ZNF248: variants seen among roughly 807,000 people sequenced by gnomAD.
ZNF248 encodes the protein KRAB protein domain.
ZNF248 carries 20 observed loss-of-function variants against 44.3 expected under a neutral mutation model. The ratio of observed to expected loss-of-function variants is 0.45; its 90% CI spans 0.32 to 0.66. The LOEUF (loss-of-function observed/expected upper bound fraction) is 0.66, where lower values mean the gene tolerates loss of function less well. Ranked by LOEUF, ZNF248 falls within the 30% of genes least tolerant of loss-of-function variation. The pLI, the probability that ZNF248 is intolerant of heterozygous loss-of-function variation, is 0.04. For synonymous variants in ZNF248, 224 were observed against 229.0 expected (o/e 0.98, Z 0.20); for missense variants, 654 against 677.0 (o/e 0.97, Z 0.38).
chr10:37,803,267 G>A (rs1589230662), intron 6 of ZNF248: 1 of 152,284 alleles, frequency 6.6e-6, no homozygotes, highest in East Asian at 1.9e-4. Flanking sequence ...CATCTCCACA[G>A]GCTGCAAAGA....
chr10:37,807,187 C>A (rs1352169429), intron 6 of ZNF248, among the ~76,000 whole-genome samples: 2 of 152,142 alleles, frequency 1.3e-5, no homozygotes, highest in Non-Finnish European at 2.9e-5. Flanking sequence ...ATTAAATGGT[C>A]TTGGTACCCG....
intron 6 of ZNF248, among the ~76,000 whole-genome samples, chr10:37,793,007 G>A (rs555352333): frequency 2.6e-5 from 4 of 152,222 alleles, no homozygotes; most frequent in South Asian, 4.2e-4. Context: ...AAAGGTGTAC[G>A]AGAAATCTAT....
chr10:37,760,204 C>A, the ZNF248 span, among the ~76,000 whole-genome samples: 63 of 152,234 alleles, frequency 4.1e-4, no homozygotes, highest in Middle Eastern at 0.01. Context: ...GGAATAACTT[C>A]AAGAAATAGA....
chr10:37,853,227 A>C (rs926528853), intron 3 of ZNF248, among the ~76,000 whole-genome samples: 39 of 152,168 alleles, frequency 2.6e-4, no homozygotes, highest in African/African-American at 9.4e-4. Context: ...AATATAGAGA[A>C]AACCAAACCA....
At chr10:37,807,830 A>T (rs571290893) in intron 6 of ZNF248, among the ~76,000 whole-genome samples, 2 of 152,224 alleles carry the variant, frequency 1.3e-5, no homozygotes, top group Non-Finnish European at 2.9e-5. Flanking sequence ...ATAAAATCAT[A>T]TAAGAACAAA....
At position 37,819,011 on chromosome 10, in the gene ZNF248, C is replaced by T. The variant is rs1589423254; in HGVS notation, c.330+14014G>A. The T allele has an allele frequency of 1.1e-5, 10 of 882,776 alleles. No individual in the cohort carries two copies. In the East Asian group the frequency reaches 2.4e-4, roughly 22 times the overall value. The allele number at this position is 882,776 out of a possible 1,614,324, so 54.7% of individuals were successfully genotyped here. A position where few individuals can be genotyped will look rare whatever the true frequency, so the allele number is the denominator to read the frequency against. On this transcript the variant is annotated intron_variant, in intron 6 of 6. Transcript: ENST00000615949. ...TGTTAAATTGCAATAAGTGCCAGCA[C>T]CTTGTGATGTCAGCTCCATGCCACC... is the stretch of plus-strand genomic sequence containing the variant.
chr10:37,797,174 T>C (rs574851674), intron 6 of ZNF248, among the ~76,000 whole-genome samples: 1 of 152,308 alleles, frequency 6.6e-6, no homozygotes, highest in South Asian at 2.1e-4. Flanking sequence ...TTGAAAGCAA[T>C]TGAAGTTAAA....
intron 6 of ZNF248, among the ~76,000 whole-genome samples, chr10:37,778,558 A>G (rs1008789667): frequency 6.6e-6 from 1 of 151,894 alleles, no homozygotes; most frequent in Non-Finnish European, 1.5e-5. Flanking sequence ...CCATTTGTCA[A>G]TTTTGTCTTT....
intron 3 of ZNF248, among the ~76,000 whole-genome samples, chr10:37,852,171 T>C (rs200940): frequency 0.74 from 112,963 of 151,714 alleles, 43,185 homozygotes; most frequent in African/African-American, 0.93. Flanking sequence ...CACTTGAACT[T>C]GGGAGGCAGA....
At chr10:37,767,168 G>A in the ZNF248 span, among the ~76,000 whole-genome samples, 9 of 152,128 alleles carry the variant, frequency 5.9e-5, no homozygotes, top group African/African-American at 1.7e-4. Context: ...TGAAAGTGAC[G>A]GGGAGAAAGG....
At chr10:37,827,653 A>G (rs2133792576), downstream of ZNF248, among the ~76,000 whole-genome samples, 1 of 152,292 alleles carries the variant, frequency 6.6e-6, no homozygotes, top group Middle Eastern at 3.4e-3. Flanking sequence ...ATGAAGATTC[A>G]GTGGAAAAAT....
the ZNF248 span, among the ~76,000 whole-genome samples, chr10:37,766,445 T>C: frequency 2.0e-5 from 3 of 152,134 alleles, no homozygotes; most frequent in Non-Finnish European, 2.9e-5. Flanking sequence ...GCATTTGCGG[T>C]TCACCAAGAT....
intron 6 of ZNF248, among the ~76,000 whole-genome samples, chr10:37,806,157 C>T (rs1036259194): frequency 2.0e-5 from 3 of 152,184 alleles, no homozygotes; most frequent in African/African-American, 7.2e-5. Flanking sequence ...GTGAATAATG[C>T]TGCCATAAAC....
At chr10:37,774,484 A>G (rs1038444646), downstream of ZNF248, among the ~76,000 whole-genome samples, 12 of 152,218 alleles carry the variant, frequency 7.9e-5, no homozygotes, top group African/African-American at 2.9e-4. Context: ...GTAATCTGTC[A>G]AGAAAAATAG....
intron 3 of ZNF248, among the ~76,000 whole-genome samples, chr10:37,838,926 T>C (rs1461434361): frequency 6.6e-6 from 1 of 152,134 alleles, no homozygotes; most frequent in Non-Finnish European, 1.5e-5. Flanking sequence ...AAAAGGTTAA[T>C]ACAGCAAGCC....
At chr10:37,849,869 A>G (rs996082921) in intron 3 of ZNF248, among the ~76,000 whole-genome samples, 4 of 152,132 alleles carry the variant, frequency 2.6e-5, no homozygotes, top group African/African-American at 9.7e-5. Flanking sequence ...TCAGGAGTTC[A>G]AGACCAGCCT....
chr10:37,824,673 A>ATTTTTTTTTTTTTTTTTTTTTTT (rs755411927), downstream of ZNF248, among the ~76,000 whole-genome samples: 29 of 79,724 alleles, frequency 3.6e-4, 5 homozygotes, highest in South Asian at 9.8e-4. Flanking sequence ...ATTATTTTAA[A>ATTTTTTTTTTTTTTTTTTTTTTT]TTTTTTTTTT....
At position 37,780,661 on chromosome 10, in the gene ZNF248, C is replaced by T. The variant is rs151041566; in HGVS notation, c.331-4086G>A. On this transcript the variant is annotated intron_variant, in intron 6 of 6. Coordinates refer to the ZNF248 transcript ENST00000615949. ...CAGCTCAGCCTGGAAGCAAAGCTCG[C>T]GCCCTTCCAGGGCCAAGGCGCGCAC... Among the ~76,000 whole-genome samples, 16 of 152,300 alleles carry T rather than the reference C, an allele frequency of 1.1e-4. No individual in the cohort carries two copies. In the East Asian group the frequency reaches 2.1e-3, roughly 20 times the overall value.
At chr10:37,848,274 C>A (rs1430147191) in intron 3 of ZNF248, among the ~76,000 whole-genome samples, 1 of 151,326 alleles carries the variant, frequency 6.6e-6, no homozygotes, top group African/African-American at 2.4e-5. Flanking sequence ...GATACTCCCT[C>A]TCAAAAGAAA....
Sources: allele counts gnomAD v4.1 joint callset (sites outside exome capture counted in the v4.1 genomes callset), GRCh38; gene constraint gnomAD v4.1.1; transcripts MANE v1.5; gene names NCBI Gene and HGNC (gene_info 2026-07-23, HGNC 2026-07-21).